The following ZDHHC14 variants were observed in gnomAD, a reference collection of about 807,000 sequenced individuals.
ZDHHC14 encodes zDHHC palmitoyltransferase 14, also known as palmitoyltransferase ZDHHC14.
ZDHHC14 carries 16 observed loss-of-function variants against 47.7 expected under a neutral mutation model. That is an observed-to-expected ratio of 0.34 (90% CI 0.23 to 0.51). ZDHHC14 has a LOEUF of 0.51. ZDHHC14 is among the 20% of genes least tolerant of loss of function. ZDHHC14 has a pLI of 0.97. For missense variants in ZDHHC14, 515 were observed against 662.5 expected (o/e 0.78, Z 2.44); for synonymous variants, 293 against 278.9 (o/e 1.05, Z -0.50).
chr6:157,619,658 G>C (rs548406089), intron 3 of ZDHHC14, among the ~76,000 whole-genome samples: 18 of 152,176 alleles, frequency 1.2e-4, no homozygotes, highest in Admixed American at 5.9e-4. Flanking sequence ...AAAGGTCACA[G>C]CAGTGCTACA....
chr6:157,414,439 C>T (rs1777933522), intron 1 of ZDHHC14, among the ~76,000 whole-genome samples: 1 of 152,202 alleles, frequency 6.6e-6, no homozygotes, highest in Admixed American at 6.5e-5. Context: ...CCACTTCCAC[C>T]TTTAAAATAA....
At chr6:157,426,952 G>A (rs1423108063) in intron 1 of ZDHHC14, among the ~76,000 whole-genome samples, 1 of 152,202 alleles carries the variant, frequency 6.6e-6, no homozygotes, top group South Asian at 2.1e-4. Flanking sequence ...CATTGCAGAC[G>A]GCCTTTCTAT....
Position 157,559,183 on chromosome 6 carries a change from C to T in ZDHHC14, c.406+16438C>T, listed in dbSNP as rs1380119254. Among the ~76,000 whole-genome samples, 4 of 144,544 alleles carry T rather than the reference C, an allele frequency of 2.8e-5. No homozygotes were observed. In the East Asian group the frequency reaches 7.7e-4, roughly 28 times the overall value. The allele number at this position is 144,544 out of a possible 152,430, so 94.8% of individuals were successfully genotyped here. ...ACTACAGAGAGACTGATGGTGATTA[C>T]AGAAGCAGATTGCAAAGGTGATTCA... On this transcript the variant is annotated intron_variant, in intron 2 of 8. Transcript: ENST00000359775.
intron 2 of ZDHHC14, among the ~76,000 whole-genome samples, chr6:157,573,474 G>T (rs1003141101): frequency 6.6e-6 from 1 of 152,200 alleles, no homozygotes; most frequent in East Asian, 1.9e-4. Context: ...TCCAGCAAGG[G>T]CAGAGAGACG....
At chr6:157,396,094 A>G (rs903399243) in intron 1 of ZDHHC14, among the ~76,000 whole-genome samples, 1 of 152,044 alleles carries the variant, frequency 6.6e-6, no homozygotes, top group Non-Finnish European at 1.5e-5. Flanking sequence ...AGATATAGAA[A>G]CACAACTCTC....
At chr6:157,566,621 G>A (rs1448852477) in intron 2 of ZDHHC14, among the ~76,000 whole-genome samples, 1 of 152,168 alleles carries the variant, frequency 6.6e-6, no homozygotes, top group Non-Finnish European at 1.5e-5. Flanking sequence ...CCAAGCGGGA[G>A]GTCCCTGGAA....
intron 8 of ZDHHC14, 100 bp from the exon 9 acceptor site, chr6:157,672,624 A>AGGCCCCCC: frequency 3.7e-6 from 1 of 273,144 alleles, no homozygotes. Context: ...CTCTTCTCGC[A>AGGCCCCCC]CCCCACCCTC....
intron 1 of ZDHHC14, among the ~76,000 whole-genome samples, chr6:157,429,605 A>C (rs1168878005): frequency 6.8e-6 from 1 of 146,620 alleles, no homozygotes; most frequent in East Asian, 2.0e-4. Context: ...GAGGGAGAGA[A>C]GGAGGGGAAG....
chr6:157,440,643 G>A (rs79776451), intron 1 of ZDHHC14, among the ~76,000 whole-genome samples: 23,014 of 152,186 alleles, frequency 0.15, 2,097 homozygotes, highest in Middle Eastern at 0.25. Context: ...TAGCAAAAAT[G>A]TGGAAACAGC....
intron 1 of ZDHHC14, among the ~76,000 whole-genome samples, chr6:157,428,859 C>T (rs1021644155): frequency 4.6e-5 from 7 of 152,162 alleles, no homozygotes; most frequent in Admixed American, 6.5e-5. Flanking sequence ...GTGCTTTCTT[C>T]GTTACTGTGA....
chr6:157,511,098 C>T (rs113682981), intron 1 of ZDHHC14, among the ~76,000 whole-genome samples: 2 of 152,334 alleles, frequency 1.3e-5, no homozygotes, highest in African/African-American at 4.8e-5. Flanking sequence ...GCATCTTCTC[C>T]GACTCGGCTT....
At chr6:157,525,298 C>G (rs543474423) in intron 1 of ZDHHC14, among the ~76,000 whole-genome samples, 3 of 152,280 alleles carry the variant, frequency 2.0e-5, no homozygotes, top group South Asian at 4.1e-4. Context: ...GTAGCCAGGA[C>G]TACAGGCGTG....
In ZDHHC14 at chr6:157,673,254, A is replaced by G. The variant is rs1310466482; in HGVS notation, c.*132A>G. 11 of 1,272,944 alleles carry G rather than the reference A, an allele frequency of 8.6e-6. No individual in the cohort carries two copies. The highest frequency in any genetic ancestry group is 6.2e-5 in the African/African-American group (4 of 64,256). The allele number at this position is 1,272,944 out of a possible 1,614,324, so 78.9% of individuals were successfully genotyped here. ...GATGACAGCCCCAGGTCTGGGGTACAGAGACCACTTAGGATGGCACAGGGT... is the reference window on the plus strand; with the variant it reads ...GATGACAGCCCCAGGTCTGGGGTACGGAGACCACTTAGGATGGCACAGGGT... On this transcript the variant is annotated 3_prime_UTR_variant, in exon 9 of 9. Coordinates refer to ENST00000359775, the MANE Select transcript of ZDHHC14 (RefSeq NM_024630.3). This position sits in a 1 kb window ranked among gnomAD's most constrained non-coding sequence, Gnocchi z 5.4.
At chr6:157,528,452 G>C (rs1249161949) in intron 1 of ZDHHC14, among the ~76,000 whole-genome samples, 2 of 148,928 alleles carry the variant, frequency 1.3e-5, no homozygotes, top group African/African-American at 2.5e-5. Context: ...GCACGATAGG[G>C]TGGGCGCAGT....
intron 3 of ZDHHC14, among the ~76,000 whole-genome samples, chr6:157,620,292 C>G (rs1287408278): frequency 6.6e-6 from 1 of 152,156 alleles, no homozygotes; most frequent in African/African-American, 2.4e-5. Context: ...TGGCTCAGGT[C>G]TCCCTTCCTC....
At chr6:157,538,217 T>C (rs1216144850) in intron 1 of ZDHHC14, among the ~76,000 whole-genome samples, 1 of 152,194 alleles carries the variant, frequency 6.6e-6, no homozygotes, top group Non-Finnish European at 1.5e-5. Flanking sequence ...ACTAGAACTT[T>C]AGCACATGGA....
chr6:157,569,160 A>G (rs187357405), intron 2 of ZDHHC14, among the ~76,000 whole-genome samples: 3 of 151,908 alleles, frequency 2.0e-5, no homozygotes, highest in Admixed American at 6.5e-5. Flanking sequence ...TGATAGTCTA[A>G]CCATATAAAA....
At chr6:157,530,071 C>A (rs1781309189) in intron 1 of ZDHHC14, among the ~76,000 whole-genome samples, 1 of 152,062 alleles carries the variant, frequency 6.6e-6, no homozygotes, top group Non-Finnish European at 1.5e-5. Context: ...GGTACTCAAT[C>A]AAAAAAATGT....
chr6:157,412,831 T>G (rs1003748), intron 1 of ZDHHC14, among the ~76,000 whole-genome samples: 131,514 of 152,220 alleles, frequency 0.86, 56,970 homozygotes, highest in Middle Eastern at 0.95. Flanking sequence ...AAATAAATTT[T>G]CATGAGAGCA....
Sources: allele counts gnomAD v4.1 joint callset (sites outside exome capture counted in the v4.1 genomes callset), GRCh38; gene constraint gnomAD v4.1.1; non-coding constraint Gnocchi (gnomAD v3.1); transcripts MANE v1.5; gene names NCBI Gene and HGNC (gene_info 2026-07-23, HGNC 2026-07-21).